ADAMTSL1: variants seen among roughly 807,000 people sequenced by gnomAD.
The protein encoded by ADAMTSL1 is ADAMTS-like protein 1.
In ADAMTSL1, 126 loss-of-function variants were observed where a neutral mutation model predicts 201.8. That is an observed-to-expected ratio of 0.62 (90% confidence interval 0.54 to 0.72). The LOEUF is 0.72. Ranked by LOEUF, ADAMTSL1 falls within the 30% of genes least tolerant of loss-of-function variation. The pLI is 0.00. For synonymous variants in ADAMTSL1, 1,121 were observed against 903.4 expected (o/e 1.24, Z -4.32); for missense variants, 2,679 against 2,277.8 (o/e 1.18, Z -3.59).
chr9:18,786,272 G>C (rs1821702325), intron 19 of ADAMTSL1, among the ~76,000 whole-genome samples: 1 of 151,956 alleles, frequency 6.6e-6, no homozygotes, highest in South Asian at 2.1e-4. Context: ...TTCTCTTCTG[G>C]GCCTAGGTGT....
chr9:18,646,962 T>G (rs1827852136), intron 7 of ADAMTSL1, among the ~76,000 whole-genome samples: 1 of 152,184 alleles, frequency 6.6e-6, no homozygotes, highest in South Asian at 2.1e-4. Flanking sequence ...TCAGAAGGAA[T>G]GGTACCAGTT....
At chr9:18,323,163 C>G (rs1265161912) in intron 2 of ADAMTSL1, among the ~76,000 whole-genome samples, 1 of 151,956 alleles carries the variant, frequency 6.6e-6, no homozygotes, top group Non-Finnish European at 1.5e-5. Context: ...TCAAATACAG[C>G]AATATACTAA....
At chr9:18,194,959 A>T (rs1476645727) in intron 2 of ADAMTSL1, among the ~76,000 whole-genome samples, 1 of 151,950 alleles carries the variant, frequency 6.6e-6, no homozygotes, top group Non-Finnish European at 1.5e-5. Context: ...AAAAAATGGC[A>T]TTGCTACCTC....
intron 15 of ADAMTSL1, among the ~76,000 whole-genome samples, chr9:18,743,943 G>C (rs939836903): frequency 6.6e-6 from 1 of 152,096 alleles, no homozygotes; most frequent in Non-Finnish European, 1.5e-5. Flanking sequence ...GTAACCCTTC[G>C]TGATTCACTC....
intron 2 of ADAMTSL1, among the ~76,000 whole-genome samples, chr9:18,165,490 A>G (rs909599532): frequency 6.6e-6 from 1 of 151,936 alleles, no homozygotes. Context: ...GATTTCCATT[A>G]AAATGAAAAC....
intron 1 of ADAMTSL1, among the ~76,000 whole-genome samples, chr9:18,115,698 G>A (rs2131897040): frequency 6.6e-6 from 1 of 152,188 alleles, no homozygotes; most frequent in Non-Finnish European, 1.5e-5. Context: ...TACAAATAGT[G>A]ATGATGTGGC....
At chr9:18,442,851 A>C (rs984035430) in intron 2 of ADAMTSL1, among the ~76,000 whole-genome samples, 10 of 152,180 alleles carry the variant, frequency 6.6e-5, no homozygotes, top group African/African-American at 2.4e-4. Context: ...CTGCCCTCCA[A>C]GGGAGAGCAG....
At chr9:18,138,025 C>T (rs982370229) in intron 1 of ADAMTSL1, among the ~76,000 whole-genome samples, 1 of 152,130 alleles carries the variant, frequency 6.6e-6, no homozygotes, top group African/African-American at 2.4e-5. Flanking sequence ...TAACCTTTGG[C>T]ACTGTGTTTT....
intron 5 of ADAMTSL1, among the ~76,000 whole-genome samples, chr9:18,623,143 G>A (rs182247543): frequency 3.7e-4 from 56 of 151,904 alleles, no homozygotes; most frequent in African/African-American, 1.1e-3. Context: ...TGATCCACCC[G>A]CCTCAGCCCC....
chr9:18,095,416 C>CTTTTTTTTTTTTTTTT (rs35164794), intron 1 of ADAMTSL1, among the ~76,000 whole-genome samples: 6 of 100,130 alleles, frequency 6.0e-5, no homozygotes, highest in African/African-American at 1.0e-4. Context: ...TTCTTTCTTT[C>CTTTTTTTTTTTTTTTT]TTTTTTTTTT....
intron 1 of ADAMTSL1, among the ~76,000 whole-genome samples, chr9:18,094,801 C>T (rs1276289655): frequency 2.6e-5 from 4 of 151,138 alleles, no homozygotes; most frequent in South Asian, 2.1e-4. Context: ...CTCCTGACCT[C>T]CTGATCTGCC....
intron 1 of ADAMTSL1, among the ~76,000 whole-genome samples, chr9:18,486,366 T>C (rs1470315064): frequency 6.6e-6 from 1 of 152,204 alleles, no homozygotes; most frequent in Non-Finnish European, 1.5e-5. Context: ...TAACCCTTTA[T>C]TCACTCTCAG....
intron 1 of ADAMTSL1, among the ~76,000 whole-genome samples, chr9:17,989,910 G>A (rs1248231319): frequency 6.7e-6 from 1 of 148,500 alleles, no homozygotes; most frequent in African/African-American, 2.5e-5. Context: ...CAAGGTCATT[G>A]TAAACATCTT....
chr9:18,392,348 A>C (rs1249796814), intron 2 of ADAMTSL1, among the ~76,000 whole-genome samples: 1 of 152,188 alleles, frequency 6.6e-6, no homozygotes, highest in Non-Finnish European at 1.5e-5. Flanking sequence ...CTTCATGGGG[A>C]TAAAAAAAGG....
chr9:18,018,135 CA>C (rs1350089557), intron 1 of ADAMTSL1, among the ~76,000 whole-genome samples: 11 of 151,982 alleles, frequency 7.2e-5, no homozygotes, highest in African/African-American at 2.7e-4. Flanking sequence ...TATGTGCACT[CA>C]AAAGCCTAAA....
intron 2 of ADAMTSL1, among the ~76,000 whole-genome samples, chr9:18,357,917 C>T (rs2133061420): frequency 6.6e-6 from 1 of 152,214 alleles, no homozygotes; most frequent in East Asian, 1.9e-4. Flanking sequence ...CCCCACTGCC[C>T]CATAATGGAT....
intron 19 of ADAMTSL1, among the ~76,000 whole-genome samples, chr9:18,784,234 T>C (rs1234076546): frequency 2.0e-5 from 3 of 152,340 alleles, no homozygotes; most frequent in South Asian, 4.1e-4. Context: ...ACCCTATGCA[T>C]AATACTCTCT....
chr9:18,756,122 T>TATATATATATATATATATAC (rs1491270780), intron 16 of ADAMTSL1, among the ~76,000 whole-genome samples: 1 of 85,844 alleles, frequency 1.2e-5, no homozygotes, highest in African/African-American at 4.3e-5. Flanking sequence ...TATATATATA[T>TATATATATATATATATATAC]ACAAAAATTA....
At chr9:18,866,971 C>G (rs1414250072) in intron 23 of ADAMTSL1, among the ~76,000 whole-genome samples, 2 of 152,202 alleles carry the variant, frequency 1.3e-5, no homozygotes, top group Non-Finnish European at 2.9e-5. Context: ...GCAAGAGGAA[C>G]AAATCCTTTT....
Sources: allele counts gnomAD v4.1 joint callset (sites outside exome capture counted in the v4.1 genomes callset), GRCh38; gene constraint gnomAD v4.1.1; transcripts MANE v1.5; gene names NCBI Gene and HGNC (gene_info 2026-07-23, HGNC 2026-07-21).